CEP192: variants seen among roughly 807,000 people sequenced by gnomAD.
CEP192 encodes centrosomal protein 192, also known as centrosomal protein of 192 kDa.
In CEP192, 151 loss-of-function variants were observed where a neutral mutation model predicts 271.8. The observed-to-expected ratio is 0.56, with a 90% CI of 0.49 to 0.64. The LOEUF is 0.64. Ranked by LOEUF, CEP192 falls within the 30% of genes least tolerant of loss-of-function variation. The pLI is 0.00. For synonymous variants in CEP192, 995 were observed against 1,076.5 expected, an observed-to-expected ratio of 0.92 and a Z score of 1.48; for missense variants, 2,910 against 3,020.5, an observed-to-expected ratio of 0.96 and a Z score of 0.86.
chr18:13,021,049 C>T (rs952766401), intron 9 of CEP192, among the ~76,000 whole-genome samples: 4 of 152,076 alleles, frequency 2.6e-5, no homozygotes, highest in Non-Finnish European at 4.4e-5. Flanking sequence ...TGTCCTTTCA[C>T]GTGCAAAAAT....
At chr18:13,061,613 T>C (rs1248700327) in intron 21 of CEP192, among the ~76,000 whole-genome samples, 1 of 152,278 alleles carries the variant, frequency 6.6e-6, no homozygotes, top group African/African-American at 2.4e-5. Context: ...GCACATATTA[T>C]AAACTTTTAG....
chr18:13,056,840 A>G (rs974861324), intron 19 of CEP192, 142 bp downstream of exon 19: 12 of 747,878 alleles, frequency 1.6e-5, no homozygotes, highest in Non-Finnish European at 2.4e-5. Flanking sequence ...AACACCGTGT[A>G]TTTCTGTGCA....
Position 13,071,197 on chromosome 18 carries a change from C to T in CEP192, c.5333C>T (p.Pro1778Leu). ...NKQFLAWGGV[P>L]LGRTQLQKLA... ...CAATTTCTGGCTTGGGGAGGAGTCC[C>T]TCTAGGTAGAACACAGTAAGTGTCA... is the stretch of plus-strand genomic sequence containing the variant. The change falls in exon 28 of 45, where the codon CCT becomes CTT. Residue 1778 changes from proline to leucine, a missense_variant. Transcript: ENST00000506447. 1 of 1,613,786 alleles carries T rather than the reference C, an allele frequency of 6.2e-7. No individual in the cohort carries two copies. The highest frequency in any genetic ancestry group is 8.5e-7 in the Non-Finnish European group (1 of 1,179,760).
chr18:13,113,537 T>C, intron 40 of CEP192, 49 bp from the exon 41 acceptor site: 1 of 1,583,522 alleles, frequency 6.3e-7, no homozygotes, highest in Non-Finnish European at 8.6e-7. Context: ...TAGCTAACAC[T>C]GTGTTTAATG....
At chr18:13,015,903 G>T (rs1382001868) in intron 6 of CEP192, among the ~76,000 whole-genome samples, 4 of 152,026 alleles carry the variant, frequency 2.6e-5, no homozygotes, top group African/African-American at 9.7e-5. Context: ...CCACCACCAT[G>T]TCTGGCTAAT....
intron 9 of CEP192, among the ~76,000 whole-genome samples, chr18:13,027,817 C>A (rs1309596542): frequency 6.6e-6 from 1 of 151,874 alleles, no homozygotes; most frequent in Non-Finnish European, 1.5e-5. Flanking sequence ...ATATGAAAAG[C>A]AGTTATCTTG....
rs773730597 is a variant in CEP192 at position 13,042,385 on chromosome 18, T to C, written c.2067+51T>C. 11 of 1,588,394 alleles carry C rather than the reference T, an allele frequency of 6.9e-6. No homozygotes were observed. In the East Asian group the frequency reaches 2.2e-4, roughly 32 times the overall value. On this transcript the variant is annotated intron_variant, in intron 15 of 44. Transcript: ENST00000506447. ...TCTAAGATTATCTTGTTGTAGTTCT[T>C]ATCTAGGATCAAGACGAGATCACCT...
In CEP192 at chr18:13,084,436, C is replaced by T. The variant is rs557639784; in HGVS notation, c.5617-2581C>T. On this transcript the variant is annotated intron_variant, in intron 30 of 44. Transcript: ENST00000506447. ...GGCGTGGGACCTGCCAAGCCAAGCG[C>T]GGGATAAAATCTCCTGGTGTGCCGT... Among the ~76,000 whole-genome samples the T allele has an allele frequency of 1.1e-3, 174 of 152,298 alleles. No individual in the cohort carries two copies. The Middle Eastern group carries it at 0.017, about 15-fold the overall frequency.
At chr18:13,055,420 C>T (rs2037039268) in intron 18 of CEP192, among the ~76,000 whole-genome samples, 1 of 152,154 alleles carries the variant, frequency 6.6e-6, no homozygotes, top group Non-Finnish European at 1.5e-5. Context: ...TGCTCAGCCC[C>T]CACTCCTTCG....
Position 13,015,426 on chromosome 18 carries a change from G to C in CEP192, c.618G>C (p.Pro206=), listed in dbSNP as rs1003679432. The change falls in exon 6 of 45, where the codon CCG becomes CCC. Residue 206 remains proline (P), a synonymous_variant. Transcript: ENST00000506447. ...TAGAAAATGAGAAACTTATCTTACC[G>C]ACAAGCTTGGAAGATTCTTCTGGTA... ...SLLENEKLIL[P]TSLEDSSDDD... is the part of the protein sequence containing the mutation. 6.4e-7 allele frequency: 1 copy of C among 1,551,010 alleles called. No homozygotes were observed. The highest frequency in any genetic ancestry group is 1.4e-5 in the African/African-American group (1 of 73,006).
chr18:13,105,201 A>T, intron 40 of CEP192, 122 bp downstream of exon 40: 1 of 714,938 alleles, frequency 1.4e-6, no homozygotes, highest in South Asian at 1.6e-5. Context: ...CAGTCTGCAC[A>T]CGAGAGAAGA....
At chr18:13,014,493 CAGGG>C (rs2034532747) in intron 5 of CEP192, among the ~76,000 whole-genome samples, 1 of 152,128 alleles carries the variant, frequency 6.6e-6, no homozygotes, top group Admixed American at 6.5e-5. Context: ...ACCAAAAAGA[CAGGG>C]ATGTTTTACA....
chr18:13,091,804 A>C (rs1265846344), intron 33 of CEP192, among the ~76,000 whole-genome samples: 1 of 152,240 alleles, frequency 6.6e-6, no homozygotes, highest in Non-Finnish European at 1.5e-5. Flanking sequence ...ATATTTAATT[A>C]AATGAATAGT....
At chr18:13,032,350 G>C (rs2035679038) in intron 11 of CEP192, among the ~76,000 whole-genome samples, 1 of 152,166 alleles carries the variant, frequency 6.6e-6, no homozygotes, top group Non-Finnish European at 1.5e-5. Flanking sequence ...GGAGTCAGAA[G>C]AAAGTGTAGA....
rs577390016 is a variant in CEP192, at chr18:13,071,351, G to T, written c.5348+139G>T. ...TGCAGAACTGGAAAAACCTAGATGG[G>T]CACGTGTCCTGATTCAGCTTTTCTT... On this transcript the variant is annotated intron_variant, in intron 28 of 44. Transcript: ENST00000506447. 4 of 671,808 alleles carry T rather than the reference G, an allele frequency of 6.0e-6. No homozygotes were observed. In the African/African-American group the frequency reaches 7.2e-5, roughly 12 times the overall value. 41.6% of individuals were successfully genotyped at this position (671,808 alleles called of 1,614,324 possible). A position where few individuals can be genotyped will look rare whatever the true frequency, so the allele number is the denominator to read the frequency against.
intron 40 of CEP192, among the ~76,000 whole-genome samples, chr18:13,106,570 C>G (rs2039962920): frequency 6.6e-6 from 1 of 150,920 alleles, no homozygotes; most frequent in African/African-American, 2.5e-5. Context: ...CAATAACAAC[C>G]ACACCCCACA....
intron 42 of CEP192, 81 bp from the exon 43 acceptor site, chr18:13,116,296 C>T: frequency 1.6e-6 from 2 of 1,285,720 alleles, no homozygotes; most frequent in Non-Finnish European, 2.2e-6. Flanking sequence ...TAATGCAATA[C>T]TACATAATTT....
chr18:13,103,426 A>G (rs1598612476), intron 38 of CEP192, 83 bp from the exon 39 acceptor site: 1 of 1,013,682 alleles, frequency 9.9e-7, no homozygotes, highest in Non-Finnish European at 1.6e-6. Flanking sequence ...TAACCCCAGT[A>G]TGAGGTAGTT....
chr18:13,051,626 C>T (rs1205075399), intron 17 of CEP192, among the ~76,000 whole-genome samples: 1 of 152,166 alleles, frequency 6.6e-6, no homozygotes, highest in Non-Finnish European at 1.5e-5. Context: ...TCACTGCAAG[C>T]GCCGCCTCCC....
Sources: gnomAD v4.1 joint callset for allele counts (sites outside exome capture counted in the v4.1 genomes callset) on GRCh38, gnomAD v4.1.1 for gene constraint, MANE v1.5 for transcripts, NCBI Gene and HGNC (gene_info 2026-07-23, HGNC 2026-07-21) for gene names.